The following NEGR1 variants were observed in gnomAD, a reference collection of about 807,000 sequenced individuals.
NEGR1 encodes the protein neuronal growth regulator 1, also known as IgLON family member 4.
NEGR1 carries 10 observed loss-of-function variants against 40.9 expected under a neutral mutation model. The ratio of observed to expected loss-of-function variants is 0.24; its 90% confidence interval spans 0.15 to 0.42. The LOEUF (loss-of-function observed/expected upper bound fraction) is 0.42. NEGR1 is among the 10% of genes least tolerant of loss of function. The probability of loss-of-function intolerance (pLI) is 1.00; values close to 1 mark genes in which losing one functional copy is unlikely to be tolerated. For missense variants in NEGR1, 352 were observed against 438.9 expected, an observed-to-expected ratio of 0.80 and a Z score of 1.77; for synonymous variants, 185 against 166.8, an observed-to-expected ratio of 1.11 and a Z score of -0.84.
At chr1:72,139,486 T>A (rs536804339) in intron 1 of NEGR1, among the ~76,000 whole-genome samples, 1 of 152,152 alleles carries the variant, frequency 6.6e-6, no homozygotes, top group South Asian at 2.1e-4. Flanking sequence ...TTTAAATGTA[T>A]AACTAGGGAA....
intron 2 of NEGR1, among the ~76,000 whole-genome samples, chr1:71,778,766 G>A (rs555488721): frequency 1.7e-4 from 26 of 152,166 alleles, no homozygotes; most frequent in African/African-American, 4.6e-4. Flanking sequence ...TTCCATCCTC[G>A]AAATACCATT....
At chr1:71,445,953 T>C (rs1020590817) in intron 6 of NEGR1, among the ~76,000 whole-genome samples, 2 of 152,240 alleles carry the variant, frequency 1.3e-5, no homozygotes, top group South Asian at 4.1e-4. Flanking sequence ...ATAACATGTC[T>C]TTATGTTCAA....
chr1:72,134,268 C>T (rs935310332), intron 1 of NEGR1, among the ~76,000 whole-genome samples: 5 of 149,012 alleles, frequency 3.4e-5, no homozygotes, highest in Admixed American at 6.7e-5. Flanking sequence ...GAGTGTGTCA[C>T]GATCTTGGCT....
At chr1:71,765,254 G>T (rs1321257857) in intron 3 of NEGR1, among the ~76,000 whole-genome samples, 8 of 152,018 alleles carry the variant, frequency 5.3e-5, no homozygotes, top group Admixed American at 4.6e-4. Flanking sequence ...AATGAATTGG[G>T]CTACAAAATT....
chr1:71,855,417 T>G (rs967154509), intron 2 of NEGR1, among the ~76,000 whole-genome samples: 1 of 152,044 alleles, frequency 6.6e-6, no homozygotes, highest in African/African-American at 2.4e-5. Context: ...AGTTGATTTA[T>G]GAAGCAGAAA....
At chr1:72,059,668 T>C (rs1232666289) in intron 1 of NEGR1, among the ~76,000 whole-genome samples, 2 of 151,642 alleles carry the variant, frequency 1.3e-5, no homozygotes, top group Non-Finnish European at 3.0e-5. Flanking sequence ...AATAAAACAG[T>C]AATTTCCTCT....
At chr1:72,252,656 A>T (rs574802631) in intron 1 of NEGR1, among the ~76,000 whole-genome samples, 1 of 152,270 alleles carries the variant, frequency 6.6e-6, no homozygotes, top group Admixed American at 6.5e-5. Flanking sequence ...TTGTATGCGC[A>T]CGTTTACATG....
intron 1 of NEGR1, among the ~76,000 whole-genome samples, chr1:71,965,552 G>T (rs960850041): frequency 6.6e-6 from 1 of 152,116 alleles, no homozygotes; most frequent in Non-Finnish European, 1.5e-5. Flanking sequence ...GAAGTTTGGT[G>T]AGGATCAAAC....
intron 6 of NEGR1, among the ~76,000 whole-genome samples, chr1:71,409,876 G>A (rs1338939625): frequency 6.6e-6 from 1 of 151,934 alleles, no homozygotes; most frequent in Non-Finnish European, 1.5e-5. Flanking sequence ...GCTAGAAAAT[G>A]TACTATAGTA....
intron 1 of NEGR1, among the ~76,000 whole-genome samples, chr1:72,228,560 T>C (rs1184123947): frequency 1.3e-5 from 2 of 152,122 alleles, no homozygotes; most frequent in East Asian, 1.9e-4. Context: ...TATCTCCTAT[T>C]GGTTCTGTTT....
chr1:71,935,118 G>A lies in NEGR1; in HGVS notation c.370C>T (p.His124Tyr), dbSNP rs1317739213. 1 of 1,613,102 alleles carries A rather than the reference G, an allele frequency of 6.2e-7. No homozygotes were observed. Among genetic ancestry groups the A allele is most frequent in the East Asian group, 2.2e-5 (1 of 44,872 alleles). Reference sequence around the variant, plus strand: ...TGCACCTGCATTGTTCTGGGTGTATGTTGAGTCTGAACAGAACACGTGTAT... The same window carrying A: ...TGCACCTGCATTGTTCTGGGTGTATATTGAGTCTGAACAGAACACGTGTAT... Reference protein sequence around the residue: ...GPYTCSVQTQHTPRTMQVHLT... With the variant: ...GPYTCSVQTQYTPRTMQVHLT... Residue 124 changes from histidine (H) to tyrosine (Y), a missense_variant, in exon 2 of 7, where the codon CAT (histidine) becomes TAT (tyrosine). Physicochemically the swap from His to Tyr is moderately conservative, Grantham distance 83. Transcript: ENST00000357731.
chr1:71,583,299 G>T (rs1406540739), intron 6 of NEGR1, among the ~76,000 whole-genome samples: 1 of 152,152 alleles, frequency 6.6e-6, no homozygotes, highest in Admixed American at 6.6e-5. Flanking sequence ...TTATCATGAT[G>T]GTGATATGTG....
chr1:71,767,628 C>T (rs2101707827), intron 3 of NEGR1, among the ~76,000 whole-genome samples: 1 of 152,258 alleles, frequency 6.6e-6, no homozygotes, highest in Non-Finnish European at 1.5e-5. Context: ...AAGCCCATTT[C>T]AGAGGAGCAA....
At chr1:71,823,936 A>C (rs1206211043) in intron 2 of NEGR1, among the ~76,000 whole-genome samples, 1 of 152,014 alleles carries the variant, frequency 6.6e-6, no homozygotes, top group African/African-American at 2.4e-5. Flanking sequence ...GTTTTATGGC[A>C]CTTTCATAAC....
intron 1 of NEGR1, among the ~76,000 whole-genome samples, chr1:72,211,479 T>C (rs1445392788): frequency 6.6e-6 from 1 of 151,636 alleles, no homozygotes; most frequent in South Asian, 2.1e-4. Context: ...AAGATTTTCT[T>C]TCCGTATCTA....
chr1:71,784,006 G>A (rs1174216157), intron 2 of NEGR1, among the ~76,000 whole-genome samples: 1 of 152,122 alleles, frequency 6.6e-6, no homozygotes, highest in African/African-American at 2.4e-5. Context: ...TTCCCAAGGT[G>A]TATTGGGAAC....
intron 2 of NEGR1, among the ~76,000 whole-genome samples, chr1:71,862,796 C>T (rs1410569616): frequency 6.6e-6 from 1 of 152,010 alleles, no homozygotes; most frequent in East Asian, 1.9e-4. Flanking sequence ...AAGGCATGAA[C>T]AGACGATTCT....
intron 2 of NEGR1, among the ~76,000 whole-genome samples, chr1:71,894,457 A>G (rs973717574): frequency 6.6e-6 from 1 of 152,182 alleles, no homozygotes; most frequent in Non-Finnish European, 1.5e-5. Context: ...GGCAAAAAGC[A>G]CTATAACAAA....
chr1:71,839,260 G>A (rs1570417010), intron 2 of NEGR1, among the ~76,000 whole-genome samples: 1 of 141,008 alleles, frequency 7.1e-6, no homozygotes, highest in East Asian at 2.1e-4. Context: ...ATGGAGTACA[G>A]TGGCATGATC....
Sources: gnomAD v4.1 joint callset for allele counts (sites outside exome capture counted in the v4.1 genomes callset) on GRCh38, gnomAD v4.1.1 for gene constraint, MANE v1.5 for transcripts, NCBI Gene and HGNC (gene_info 2026-07-23, HGNC 2026-07-21) for gene names.